The following PTPRD variants were observed in gnomAD, a reference collection of about 807,000 sequenced individuals.
The protein encoded by PTPRD is receptor-type tyrosine-protein phosphatase delta.
In PTPRD, 34 loss-of-function variants were observed where a neutral mutation model predicts 214.5. That is an observed-to-expected ratio of 0.16 (90% CI 0.12 to 0.21). The LOEUF is 0.21. Among genes scored for constraint, PTPRD ranks in the 10% least tolerant of loss-of-function variants. PTPRD has a pLI of 1.00. For synonymous variants in PTPRD, 1,128 were observed against 845.7 expected (o/e 1.33, Z -5.79); for missense variants, 2,545 against 2,398.7 (o/e 1.06, Z -1.27).
chr9:8,857,410 G>C (rs1463976443), intron 11 of PTPRD, among the ~76,000 whole-genome samples: 1 of 152,154 alleles, frequency 6.6e-6, no homozygotes, highest in Non-Finnish European at 1.5e-5. Context: ...TCTCTCCCGG[G>C]TCTGAGGTTT....
chr9:9,907,040 C>A (rs539200145), intron 5 of PTPRD, among the ~76,000 whole-genome samples: 1 of 151,804 alleles, frequency 6.6e-6, no homozygotes, highest in East Asian at 1.9e-4. Context: ...TAAATCTCAC[C>A]CCCCATACTC....
intron 10 of PTPRD, among the ~76,000 whole-genome samples, chr9:9,042,027 A>C (rs1397880956): frequency 6.6e-6 from 1 of 152,166 alleles, no homozygotes; most frequent in Admixed American, 6.5e-5. Context: ...TTGAGCATGA[A>C]AAGGAGTTTA....
chr9:9,598,619 C>G (rs1444566969), intron 7 of PTPRD, among the ~76,000 whole-genome samples: 1 of 151,976 alleles, frequency 6.6e-6, no homozygotes, highest in Non-Finnish European at 1.5e-5. Context: ...TTTAAAACTT[C>G]TATTTAAAGA....
At chr9:9,364,003 A>G (rs2057114214) in intron 9 of PTPRD, among the ~76,000 whole-genome samples, 1 of 151,434 alleles carries the variant, frequency 6.6e-6, no homozygotes, top group South Asian at 2.1e-4. Flanking sequence ...GTTGAAGGCT[A>G]ATACCACTTT....
At chr9:9,274,332 A>C (rs1277100247) in intron 9 of PTPRD, among the ~76,000 whole-genome samples, 1 of 151,374 alleles carries the variant, frequency 6.6e-6, no homozygotes, top group Non-Finnish European at 1.5e-5. Flanking sequence ...CTCCCAAACA[A>C]GTACAGCATG....
At chr9:9,136,467 T>G (rs1252745563) in intron 10 of PTPRD, among the ~76,000 whole-genome samples, 1 of 152,058 alleles carries the variant, frequency 6.6e-6, no homozygotes, top group African/African-American at 2.4e-5. Context: ...TAGATAAAAG[T>G]GGTAAAAAAC....
chr9:8,929,862 T>G (rs2098937161), intron 11 of PTPRD, among the ~76,000 whole-genome samples: 1 of 105,578 alleles, frequency 9.5e-6, no homozygotes, highest in East Asian at 3.0e-4. Flanking sequence ...TATATGTGTA[T>G]ATACATGTGT....
intron 9 of PTPRD, among the ~76,000 whole-genome samples, chr9:9,237,742 T>G (rs553132009): frequency 6.6e-6 from 1 of 152,274 alleles, no homozygotes; most frequent in South Asian, 2.1e-4. Flanking sequence ...ATCCTGCATC[T>G]CCTGTGAGAA....
chr9:9,997,277 G>A (rs1355849361), intron 4 of PTPRD, among the ~76,000 whole-genome samples: 2 of 134,580 alleles, frequency 1.5e-5, no homozygotes, highest in East Asian at 2.1e-4. Flanking sequence ...CAAACTTGAA[G>A]ATAAGCAATT....
chr9:9,417,984 T>G (rs2142274417), intron 8 of PTPRD, among the ~76,000 whole-genome samples: 1 of 152,236 alleles, frequency 6.6e-6, no homozygotes, highest in African/African-American at 2.4e-5. Context: ...TGGTTTCACC[T>G]GAAAAGTTTT....
At chr9:9,561,804 G>A (rs186449203) in intron 8 of PTPRD, among the ~76,000 whole-genome samples, 1 of 152,222 alleles carries the variant, frequency 6.6e-6, no homozygotes, top group African/African-American at 2.4e-5. Context: ...TCTATCTACT[G>A]GTTGTACCTT....
At chr9:9,199,204 A>G (rs902641742) in intron 9 of PTPRD, among the ~76,000 whole-genome samples, 3 of 152,196 alleles carry the variant, frequency 2.0e-5, no homozygotes, top group Non-Finnish European at 4.4e-5. Context: ...TAATATATAT[A>G]TAACTAAGTT....
chr9:10,146,164 TA>T, intron 3 of PTPRD, among the ~76,000 whole-genome samples: 1 of 149,178 alleles, frequency 6.7e-6, no homozygotes, highest in Non-Finnish European at 1.5e-5. Flanking sequence ...TATATATATA[TA>T]TATGTATATG....
chr9:8,977,202 G>A (rs1170245989), intron 11 of PTPRD, among the ~76,000 whole-genome samples: 1 of 151,938 alleles, frequency 6.6e-6, no homozygotes, highest in Non-Finnish European at 1.5e-5. Context: ...AGTCTCTGCT[G>A]GTTTAACTGA....
At chr9:9,615,209 C>A (rs778166059) in intron 7 of PTPRD, among the ~76,000 whole-genome samples, 37 of 152,162 alleles carry the variant, frequency 2.4e-4, no homozygotes, top group Non-Finnish European at 5.0e-4. Context: ...CAACCACCTG[C>A]GTCCCAGAGG....
chr9:8,518,444 G>A lies in PTPRD; in HGVS notation c.962-15C>T, dbSNP rs1285907670. ...TTTGGGTAAGGCTTGGATGGGGGAA[G>A]ATAAAAGACAATGACTACCCATCAT... On this transcript the variant is annotated splice_polypyrimidine_tract_variant and intron_variant, in intron 20 of 45. Coordinates refer to ENST00000381196, the MANE Select transcript of PTPRD (RefSeq NM_002839.4). The A allele has an allele frequency of 6.5e-7, 1 of 1,545,478 alleles. No homozygotes were observed. The highest frequency in any genetic ancestry group is 8.7e-7 in the Non-Finnish European group (1 of 1,143,908).
At chr9:10,306,389 G>A (rs2154411722) in intron 3 of PTPRD, among the ~76,000 whole-genome samples, 1 of 151,988 alleles carries the variant, frequency 6.6e-6, no homozygotes, top group South Asian at 2.1e-4. Flanking sequence ...AAACCTGCAT[G>A]TTCTGCACAT....
chr9:9,407,397 A>G (rs1425143253), intron 8 of PTPRD, among the ~76,000 whole-genome samples: 1 of 151,762 alleles, frequency 6.6e-6, no homozygotes, highest in East Asian at 1.9e-4. Context: ...CTATAAACAT[A>G]TTTGTACGTG....
chr9:9,771,150 A>G (rs2098748657), intron 5 of PTPRD, among the ~76,000 whole-genome samples: 1 of 152,150 alleles, frequency 6.6e-6, no homozygotes, highest in African/African-American at 2.4e-5. Flanking sequence ...GCTCAAGATT[A>G]TGTTCTTTTT....
Sources: allele counts gnomAD v4.1 joint callset (sites outside exome capture counted in the v4.1 genomes callset), GRCh38; gene constraint gnomAD v4.1.1; transcripts MANE v1.5; gene names NCBI Gene and HGNC (gene_info 2026-07-23, HGNC 2026-07-21).